The following PTBP1 variants were observed in gnomAD, a reference collection of about 807,000 sequenced individuals.
The protein encoded by PTBP1 is polypyrimidine tract binding protein 1, also known as polypyrimidine tract-binding protein 1.
A neutral mutation model predicts 59.8 loss-of-function variants in PTBP1; 8 were observed. The observed-to-expected ratio is 0.13, with a 90% CI of 0.08 to 0.24. The LOEUF is 0.24. PTBP1 is among the 10% of genes least tolerant of loss of function. PTBP1 has a pLI of 1.00. For missense variants in PTBP1, 686 were observed against 767.0 expected, an observed-to-expected ratio of 0.89 and a Z score of 1.25; for synonymous variants, 490 against 320.7, an observed-to-expected ratio of 1.53 and a Z score of -5.64.
At position 804,469 on chromosome 19, in the gene PTBP1, C is replaced by CT. The variant is rs2145045074; in HGVS notation, c.435+31_435+32insT. ...TGGCCCCGCGGCGGACCCCAGCAGCCCGGGGACCTCGGGGGTGGGCCCAGC... is the reference window on the plus strand; with the variant it reads ...TGGCCCCGCGGCGGACCCCAGCAGCCTCGGGGACCTCGGGGGTGGGCCCAGC... On this transcript the variant is annotated intron_variant, in intron 5 of 14. Transcript: ENST00000356948. 11 of 1,601,170 alleles carry CT rather than the reference C, an allele frequency of 6.9e-6. No individual in the cohort carries two copies. In the South Asian group the frequency reaches 1.2e-4, roughly 18 times the overall value.
chr19:802,564 A>G (rs927640030), intron 2 of PTBP1, among the ~76,000 whole-genome samples: 1 of 151,976 alleles, frequency 6.6e-6, no homozygotes. Context: ...CGGGAGATGG[A>G]GGCTCCTTTG....
intron 2 of PTBP1, among the ~76,000 whole-genome samples, 162 bp from the exon 3 acceptor site, chr19:803,399 C>A (rs2034423642): frequency 6.6e-6 from 1 of 152,156 alleles, no homozygotes. Flanking sequence ...CGTCCATGGG[C>A]TGGGTCTGCG....
intron 10 of PTBP1, chr19:806,760 C>T (rs2034599959): frequency 9.9e-6 from 5 of 503,904 alleles, no homozygotes; most frequent in East Asian, 3.5e-5. Context: ...TCTTGGTTCG[C>T]GTTTTCTCTT....
chr19:798,643 G>A (rs8110974), intron 1 of PTBP1: 23,860 of 152,248 alleles, frequency 0.16, 2,117 homozygotes, highest in South Asian at 0.23. Context: ...GAGGCAGGAG[G>A]CCCGGAGGCT....
chr19:811,883 G>T lies in PTBP1; in HGVS notation c.*1057G>T, dbSNP rs1184797840. 1 of 151,998 alleles carries T rather than the reference G, an allele frequency of 6.6e-6. No homozygotes were observed. Among genetic ancestry groups the T allele is most frequent in the Non-Finnish European group, 1.5e-5 (1 of 67,928 alleles). 9.4% of individuals were successfully genotyped at this position (151,998 alleles called of 1,614,324 possible). A position where few individuals can be genotyped will look rare whatever the true frequency, so the allele number is the denominator to read the frequency against. On this transcript the variant is annotated 3_prime_UTR_variant, in exon 15 of 15. Coordinates refer to ENST00000356948, the MANE Select transcript of PTBP1 (RefSeq NM_002819.5). ...GACCAAAGTCTCATTTCTGTGTTTTGCCTGCCTCTGATGCTGGGACCCGGA... is the reference window on the plus strand; with the variant it reads ...GACCAAAGTCTCATTTCTGTGTTTTTCCTGCCTCTGATGCTGGGACCCGGA...
At chr19:803,269 T>C (rs189605062) in intron 2 of PTBP1, among the ~76,000 whole-genome samples, 25 of 152,244 alleles carry the variant, frequency 1.6e-4, no homozygotes, top group African/African-American at 3.6e-4. Flanking sequence ...GTGGAGATAG[T>C]GTACGTGGTG....
rs140945539 is a variant in PTBP1, at chr19:804,080, G to A, written c.160G>A (p.Ala54Thr). 4.0e-4 allele frequency: 639 copies of A among 1,614,094 alleles called. 4 individuals are homozygous for A. Among genetic ancestry groups the A allele is most frequent in the Middle Eastern group, 2.6e-3 (16 of 6,062 alleles). The change falls in exon 4 of 15, where the codon GCA becomes ACA. Residue 54 changes from alanine (A) to threonine (T), a missense_variant. By Grantham distance (58) the Ala-to-Thr change is moderately conservative. Coordinates refer to ENST00000356948, the MANE Select transcript of PTBP1 (RefSeq NM_002819.5). ...GAAGTTCAAAGGTGACAGCCGAAGT[G>A]CAGGCGTCCCCTCTAGAGTGATCCA... is the stretch of plus-strand genomic sequence containing the variant. ...SKKFKGDSRS[A>T]GVPSRVIHIR...
rs1002634994 is a variant in PTBP1, at chr19:811,397, C to T, written c.*571C>T. 6.6e-6 allele frequency: 1 copy of T among 152,518 alleles called. No homozygotes were observed. The highest frequency in any genetic ancestry group is 1.9e-4 in the East Asian group (1 of 5,208). 9.4% of individuals were successfully genotyped at this position (152,518 alleles called of 1,614,324 possible). ...CTTCTGCCCCCAGGCGGGCTCCCCG[C>T]TGCTCCAGCTGCGGAGCTGGTCGAC... On this transcript the variant is annotated 3_prime_UTR_variant, in exon 15 of 15. Transcript: ENST00000356948.
chr19:806,466 G>C lies in PTBP1; in HGVS notation c.1029G>C (p.Ala343=). The change falls in exon 10 of 15, where the codon GCG becomes GCC. Residue 343 remains alanine (A), a synonymous_variant. Coordinates refer to ENST00000356948, the MANE Select transcript of PTBP1 (RefSeq NM_002819.5). Reference sequence around the variant, plus strand: ...CCCCCCTGGCCATCCCCTCGGCGGCGGCGGCAGCTGCGGCGGCAGGTCGGA... The same window carrying C: ...CCCCCCTGGCCATCCCCTCGGCGGCCGCGGCAGCTGCGGCGGCAGGTCGGA... The part of the protein sequence containing the change: ...ALAPLAIPSA[A]AAAAAAGRIA... 6.3e-7 allele frequency: 1 copy of C among 1,595,610 alleles called. No individual in the cohort carries two copies. The highest frequency in any genetic ancestry group is 8.5e-7 in the Non-Finnish European group (1 of 1,171,896).
rs373515454 is a variant in PTBP1 at position 808,528 on chromosome 19, C to T, written c.1247-18C>T. ...GTTCCCTCTCGGGCGCCTGGTCACG[C>T]GGGTGCTGCTCCCCCAGCCATGAGC... On this transcript the variant is annotated intron_variant, in intron 12 of 14. Coordinates refer to ENST00000356948, the MANE Select transcript of PTBP1 (RefSeq NM_002819.5). The surrounding 1 kb of genome is among the most constrained non-coding windows in gnomAD (Gnocchi z 4.7). 23 of 1,570,134 alleles carry T rather than the reference C, an allele frequency of 1.5e-5. No homozygotes were observed. In the East Asian group the frequency reaches 2.1e-4, roughly 15 times the overall value.
chr19:805,362 G>A, intron 8 of PTBP1, 130 bp from the exon 9 acceptor site: 3 of 1,199,994 alleles, frequency 2.5e-6, no homozygotes, highest in East Asian at 2.3e-5. Context: ...GCCCCCCCTG[G>A]AGCAGCGGAT....
intron 1 of PTBP1, among the ~76,000 whole-genome samples, chr19:798,052 G>A (rs1224236755): frequency 6.6e-6 from 1 of 151,458 alleles, no homozygotes; most frequent in African/African-American, 2.4e-5. Context: ...GAAAGCTGGC[G>A]CCGGGGCCTC....
At chr19:810,271 G>GCT (rs960396958) in intron 13 of PTBP1, among the ~76,000 whole-genome samples, 1 of 152,152 alleles carries the variant, frequency 6.6e-6, no homozygotes, top group Admixed American at 6.6e-5. Context: ...ACGCCACTGT[G>GCT]CTCCCGCCTG....
At chr19:809,735 T>A (rs562697032) in intron 13 of PTBP1, among the ~76,000 whole-genome samples, 1 of 151,952 alleles carries the variant, frequency 6.6e-6, no homozygotes, top group Non-Finnish European at 1.5e-5. Context: ...ACAGGAACAA[T>A]TGGTTAAAAT....
intron 10 of PTBP1, chr19:807,563 T>C (rs1183354524): frequency 2.2e-5 from 9 of 415,400 alleles, no homozygotes; most frequent in Admixed American, 8.6e-5. Context: ...CCTTCCCCTT[T>C]CCCTATTTTT....
intron 1 of PTBP1, among the ~76,000 whole-genome samples, chr19:797,707 C>T (rs1267119220): frequency 6.7e-6 from 1 of 149,082 alleles, no homozygotes; most frequent in Non-Finnish European, 1.5e-5. Flanking sequence ...TCCCCATCCC[C>T]CGTCCGGCCC....
intron 10 of PTBP1, 71 bp from the exon 11 acceptor site, chr19:807,794 ACGAT>A (rs1237102689): frequency 8.6e-7 from 1 of 1,162,346 alleles, no homozygotes; most frequent in African/African-American, 1.5e-5. Context: ...CCTCGTGTGG[ACGAT>A]TGGCAACTCG....
intron 8 of PTBP1, 35 bp downstream of exon 8, chr19:805,222 A>AGT (rs1568269879): frequency 6.2e-7 from 1 of 1,609,382 alleles, no homozygotes. Flanking sequence ...CAGTGTGCAG[A>AGT]GTGGTCTATT....
chr19:808,297 C>A lies in PTBP1; in HGVS notation c.1154-63C>A, dbSNP rs2034671779. On this transcript the variant is annotated intron_variant, in intron 11 of 14. Transcript: ENST00000356948. The surrounding 1 kb of genome is among the most constrained non-coding windows in gnomAD (Gnocchi z 4.7). ...CTTGTGGGGGTGCGCGGGGCCGGGG[C>A]TGACGGGGAGATGGGCGGGGCAGGC... 1 of 1,373,220 alleles carries A rather than the reference C, an allele frequency of 7.3e-7. No individual in the cohort carries two copies. Among genetic ancestry groups the A allele is most frequent in the Non-Finnish European group, 1.0e-6 (1 of 987,022 alleles). The allele number at this position is 1,373,220 out of a possible 1,614,324, so 85.1% of individuals were successfully genotyped here.
Sources: gnomAD v4.1 joint callset for allele counts (sites outside exome capture counted in the v4.1 genomes callset) on GRCh38, gnomAD v4.1.1 for gene constraint, Gnocchi (gnomAD v3.1) non-coding constraint, MANE v1.5 for transcripts, NCBI Gene and HGNC (gene_info 2026-07-23, HGNC 2026-07-21) for gene names.